Variants in MYO18B observed in about 807,000 individuals in gnomAD.
The protein encoded by MYO18B is unconventional myosin-XVIIIb.
In MYO18B, 204 loss-of-function variants were observed where a neutral mutation model predicts 273.0. The ratio of observed to expected loss-of-function variants is 0.75; its 90% CI spans 0.67 to 0.84. MYO18B has a LOEUF of 0.84. Among genes scored for constraint, MYO18B ranks in the 40% least tolerant of loss-of-function variants. MYO18B has a pLI of 0.00. For missense variants in MYO18B, 3,212 were observed against 3,287.6 expected (o/e 0.98, Z 0.56); for synonymous variants, 1,330 against 1,305.7 (o/e 1.02, Z -0.40).
intron 21 of MYO18B, among the ~76,000 whole-genome samples, chr22:25,855,045 T>C (rs950159252): frequency 6.6e-5 from 10 of 152,098 alleles, no homozygotes; most frequent in Non-Finnish European, 1.2e-4. Flanking sequence ...CACCCAGGTA[T>C]TAAGCCTAGT....
chr22:26,039,211 G>A, the MYO18B span, among the ~76,000 whole-genome samples: 2 of 152,100 alleles, frequency 1.3e-5, no homozygotes, highest in African/African-American at 4.8e-5. Context: ...TGACTCAAAT[G>A]TTAATCTCCT....
At chr22:26,037,958 G>C in the MYO18B span, among the ~76,000 whole-genome samples, 2 of 152,318 alleles carry the variant, frequency 1.3e-5, no homozygotes, top group African/African-American at 2.4e-5. Context: ...AGGCAAGAGT[G>C]TTCCTTGTGG....
chr22:25,891,102 C>T lies in MYO18B; in HGVS notation c.4435-202C>T, dbSNP rs139856388. Among the ~76,000 whole-genome samples the T allele has an allele frequency of 2.9e-3, 438 of 152,184 alleles. 3 individuals carry two copies. The highest frequency in any genetic ancestry group is 0.01 in the African/African-American group (420 of 41,522). ...GAGAGGCGAATAGGAGAGGATTGTG[C>T]AGAAGGTGGACAGTCTTTGGCCTTG... On this transcript the variant is annotated intron_variant, in intron 26 of 43. Coordinates refer to ENST00000335473, the MANE Select transcript of MYO18B (RefSeq NM_032608.7).
chr22:25,891,324 G>GA lies in MYO18B; in HGVS notation c.4461dup (p.Leu1488ThrfsTer6), dbSNP rs753392428. 3.2e-6 allele frequency: 5 copies of GA among 1,575,874 alleles called. No homozygotes were observed. The African/African-American group carries it at 5.4e-5, about 17-fold the overall frequency. On this transcript the variant is annotated frameshift_variant, in exon 27 of 44. Transcript: ENST00000335473. LOFTEE classifies it high-confidence loss of function. The stretch of plus-strand genomic sequence containing the variant: ...TCTAGAGCAAGCATGAACAAGTCCA[G>GA]AAAAAACTGGGAGATGTGAATAAAC...
At chr22:25,787,272 G>GCGCGCACACACA (rs1482737296) in intron 11 of MYO18B, among the ~76,000 whole-genome samples, 23 of 136,580 alleles carry the variant, frequency 1.7e-4, no homozygotes, top group African/African-American at 5.9e-4. Flanking sequence ...GCAGGCGCGC[G>GCGCGCACACACA]CACACACACA....
chr22:25,903,489 G>C (rs1172659482), intron 30 of MYO18B, 142 bp from the exon 31 acceptor site: 16 of 801,712 alleles, frequency 2.0e-5, no homozygotes, highest in Non-Finnish European at 3.0e-5. Flanking sequence ...CGCTGTGAGG[G>C]ACGGTGGGGT....
chr22:25,971,548 G>A (rs1353809547), intron 39 of MYO18B, among the ~76,000 whole-genome samples: 1 of 152,216 alleles, frequency 6.6e-6, no homozygotes, highest in African/African-American at 2.4e-5. Flanking sequence ...GTTCAGTGAT[G>A]CAGATCTTTT....
intron 39 of MYO18B, among the ~76,000 whole-genome samples, chr22:25,989,447 G>A (rs1379906964): frequency 4.6e-5 from 7 of 152,188 alleles, no homozygotes; most frequent in African/African-American, 1.7e-4. Flanking sequence ...CTGGGAGAAA[G>A]TGGCTAATGC....
intron 11 of MYO18B, among the ~76,000 whole-genome samples, chr22:25,797,213 G>A (rs545457110): frequency 3.0e-4 from 45 of 152,322 alleles, no homozygotes; most frequent in Non-Finnish European, 5.1e-4. Flanking sequence ...GGGCAACAGA[G>A]CGAGACTCTG....
At chr22:25,760,025 G>A (rs551374417) in intron 1 of MYO18B, among the ~76,000 whole-genome samples, 7 of 152,178 alleles carry the variant, frequency 4.6e-5, no homozygotes, top group African/African-American at 1.7e-4. Flanking sequence ...GACAGATTGA[G>A]AGCTACAGTT....
chr22:25,984,410 G>A (rs1190720688), intron 39 of MYO18B, among the ~76,000 whole-genome samples: 3 of 152,182 alleles, frequency 2.0e-5, no homozygotes, highest in Admixed American at 2.0e-4. Context: ...TCTTTAAGGA[G>A]AAATAAACCT....
intron 2 of MYO18B, among the ~76,000 whole-genome samples, chr22:25,761,345 C>A (rs1454338531): frequency 6.6e-6 from 1 of 151,818 alleles, no homozygotes; most frequent in Non-Finnish European, 1.5e-5. Flanking sequence ...CCTTGACGCC[C>A]CCCCGAGGGC....
intron 27 of MYO18B, among the ~76,000 whole-genome samples, chr22:25,891,717 G>A (rs1380853730): frequency 3.9e-5 from 6 of 152,176 alleles, no homozygotes; most frequent in Admixed American, 2.0e-4. Context: ...TTATGTTTAT[G>A]TGAATATTTT....
chr22:26,058,871 C>G, the MYO18B span, among the ~76,000 whole-genome samples: 2 of 152,136 alleles, frequency 1.3e-5, no homozygotes, highest in Non-Finnish European at 2.9e-5. Context: ...TATAATTACG[C>G]AGCCTCAGGA....
chr22:26,025,739 G>C (rs1346318146), intron 42 of MYO18B, among the ~76,000 whole-genome samples: 1 of 151,996 alleles, frequency 6.6e-6, no homozygotes, highest in Non-Finnish European at 1.5e-5. Flanking sequence ...TTATTTTACA[G>C]TCTATAATTT....
chr22:25,798,085 G>A lies in MYO18B; in HGVS notation c.2509G>A (p.Gly837Arg), dbSNP rs547223226. 11 of 1,608,150 alleles carry A rather than the reference G, an allele frequency of 6.8e-6. No individual in the cohort carries two copies. Among genetic ancestry groups the A allele is most frequent in the Non-Finnish European group, 9.4e-6 (11 of 1,175,336 alleles). Residue 837 changes from glycine (G) to arginine (R), a missense_variant, in exon 12 of 44, where the codon GGG becomes AGG. Physicochemically the swap from Gly to Arg is moderately radical, Grantham distance 125. Coordinates refer to ENST00000335473, the MANE Select transcript of MYO18B (RefSeq NM_032608.7). Reference protein sequence around the residue: ...LAAIYHLGAAGACKVGRKQFM... With the variant: ...LAAIYHLGAARACKVGRKQFM... ...AGCCATCTACCACCTGGGTGCGGCG[G>A]GGGCCTGCAAAGGTACGTCCTTCCT... is the stretch of plus-strand genomic sequence containing the variant.
rs1245731121 is a variant in MYO18B at position 25,921,250 on chromosome 22, C to A, written c.5365-7C>A. On this transcript the variant is annotated splice_polypyrimidine_tract_variant and splice_region_variant and intron_variant, in intron 33 of 43. Transcript: ENST00000335473. ...CCTAAGCTCATGGGTCTCCCTTTGG[C>A]TTTCAGATTGGCCATCGGGACTTTG... is the stretch of plus-strand genomic sequence containing the variant. The A allele has an allele frequency of 1.9e-6, 3 of 1,549,592 alleles. No individual in the cohort carries two copies. Among genetic ancestry groups the A allele is most frequent in the African/African-American group, 2.7e-5 (2 of 73,024 alleles).
chr22:26,006,498 G>A (rs561756942), intron 42 of MYO18B: 18 of 302,062 alleles, frequency 6.0e-5, no homozygotes, highest in South Asian at 5.8e-4. Flanking sequence ...CTCTAGCACT[G>A]GATTAGAAAG....
Position 25,891,305 on chromosome 22 carries a change from G to A in MYO18B, c.4436G>A (p.Ser1479Asn). The A allele has an allele frequency of 6.4e-7, 1 of 1,563,842 alleles. No individual in the cohort carries two copies. The highest frequency in any genetic ancestry group is 8.7e-7 in the Non-Finnish European group (1 of 1,152,842). Reference sequence around the variant, plus strand: ...TAGACCTTGAGCCCTTTCTTCTAGAGCAAGCATGAACAAGTCCAGAAAAAA... The same window carrying A: ...TAGACCTTGAGCCCTTTCTTCTAGAACAAGCATGAACAAGTCCAGAAAAAA... ...QAFREVQELK[S>N]KHEQVQKKLG... Residue 1479 changes from serine (S) to asparagine (N), a missense_variant and splice_region_variant, in exon 27 of 44, where the codon AGC becomes AAC. By Grantham distance (46) the Ser-to-Asn change is conservative. Transcript: ENST00000335473.
Sources: allele counts gnomAD v4.1 joint callset (sites outside exome capture counted in the v4.1 genomes callset), GRCh38; gene constraint gnomAD v4.1.1; transcripts MANE v1.5; gene names NCBI Gene and HGNC (gene_info 2026-07-23, HGNC 2026-07-21).